The following TASP1 variants were observed in gnomAD, a reference collection of about 807,000 sequenced individuals.
TASP1 encodes taspase 1.
A neutral mutation model predicts 56.6 loss-of-function variants in TASP1; 16 were observed. The ratio of observed to expected loss-of-function variants is 0.28; its 90% CI spans 0.19 to 0.43. The LOEUF is 0.43. Among genes scored for constraint, TASP1 ranks in the 20% least tolerant of loss-of-function variants. The pLI is 1.00. For synonymous variants in TASP1, 179 were observed against 184.2 expected, an observed-to-expected ratio of 0.97 and a Z score of 0.23; for missense variants, 393 against 511.6, an observed-to-expected ratio of 0.77 and a Z score of 2.24.
the TASP1 span, chr20:13,244,008 CCA>C: frequency 2.6e-5 from 4 of 152,302 alleles, no homozygotes; most frequent in Admixed American, 2.0e-4. Context: ...TTGTCTATTA[CCA>C]CATCTCCAGT....
chr20:13,337,901 T>G, the TASP1 span, among the ~76,000 whole-genome samples: 2 of 152,304 alleles, frequency 1.3e-5, no homozygotes, highest in Non-Finnish European at 1.5e-5. Context: ...AAAAGGGGGT[T>G]GAGCAAGGCT....
At chr20:13,339,419 T>C in the TASP1 span, among the ~76,000 whole-genome samples, 1 of 152,202 alleles carries the variant, frequency 6.6e-6, no homozygotes, top group South Asian at 2.1e-4. Context: ...CCTGGGACCA[T>C]CATTTTTCAC....
intron 11 of TASP1, among the ~76,000 whole-genome samples, chr20:13,459,692 G>A (rs1036836530): frequency 6.6e-6 from 1 of 151,992 alleles, no homozygotes; most frequent in Non-Finnish European, 1.5e-5. Flanking sequence ...CTCTGCTGCT[G>A]TCTTTCCCTG....
At chr20:13,469,744 G>A (rs1333502823) in intron 11 of TASP1, among the ~76,000 whole-genome samples, 1 of 136,848 alleles carries the variant, frequency 7.3e-6, no homozygotes, top group Non-Finnish European at 1.5e-5. Flanking sequence ...ATAACATACA[G>A]ACGAACTATT....
chr20:13,249,725 C>A, the TASP1 span, among the ~76,000 whole-genome samples: 16,304 of 152,094 alleles, frequency 0.11, 1,032 homozygotes, highest in African/African-American at 0.16. Context: ...AATGGGAAGC[C>A]AAAGGAAGTA....
At chr20:13,506,345 A>G (rs1410929796) in intron 10 of TASP1, among the ~76,000 whole-genome samples, 1 of 152,168 alleles carries the variant, frequency 6.6e-6, no homozygotes, top group Non-Finnish European at 1.5e-5. Context: ...ATCCTTCTCA[A>G]CTCTTTCAAA....
chr20:13,362,923 TTTG>T, the TASP1 span, among the ~76,000 whole-genome samples: 1 of 151,002 alleles, frequency 6.6e-6, no homozygotes, highest in African/African-American at 2.4e-5. Flanking sequence ...AAGAGAATCT[TTTG>T]TTCTAATATT....
At chr20:13,474,495 A>G (rs2044646486) in intron 11 of TASP1, among the ~76,000 whole-genome samples, 1 of 152,212 alleles carries the variant, frequency 6.6e-6, no homozygotes, top group Non-Finnish European at 1.5e-5. Flanking sequence ...ATAGTATTCC[A>G]TGGTGTGTAT....
chr20:13,505,475 A>G (rs898986454), intron 10 of TASP1, among the ~76,000 whole-genome samples: 1 of 152,166 alleles, frequency 6.6e-6, no homozygotes, highest in African/African-American at 2.4e-5. Context: ...TCAACTCTGC[A>G]GGATTTTCTC....
At chr20:13,273,971 T>C in the TASP1 span, among the ~76,000 whole-genome samples, 1 of 151,996 alleles carries the variant, frequency 6.6e-6, no homozygotes, top group African/African-American at 2.4e-5. Flanking sequence ...GACCACAAAA[T>C]GTTAGTATTG....
the TASP1 span, among the ~76,000 whole-genome samples, chr20:13,128,061 G>T: frequency 6.6e-6 from 1 of 152,234 alleles, no homozygotes; most frequent in Non-Finnish European, 1.5e-5. Context: ...CAGTTATGAA[G>T]TGAGAAAAAC....
intron 13 of TASP1, among the ~76,000 whole-genome samples, chr20:13,413,857 A>G (rs2042168060): frequency 6.6e-6 from 1 of 152,124 alleles, no homozygotes; most frequent in Admixed American, 6.6e-5. Flanking sequence ...CCATCCATTC[A>G]TCCACATAAT....
the TASP1 span, among the ~76,000 whole-genome samples, chr20:13,164,201 G>C: frequency 6.6e-6 from 1 of 152,148 alleles, no homozygotes; most frequent in South Asian, 2.1e-4. Context: ...AAGTAAGAGA[G>C]TTGAAACAGA....
the TASP1 span, among the ~76,000 whole-genome samples, chr20:13,107,794 C>G: frequency 7.8e-6 from 1 of 128,804 alleles, no homozygotes; most frequent in South Asian, 2.4e-4. Context: ...TTTTTTGTAT[C>G]TGTTGGTTCT....
chr20:13,125,884 G>A, the TASP1 span, among the ~76,000 whole-genome samples: 7 of 152,330 alleles, frequency 4.6e-5, no homozygotes, highest in East Asian at 3.9e-4. Flanking sequence ...AAGCAACTGC[G>A]AAGTTGGATT....
chr20:13,274,634 T>C, the TASP1 span, among the ~76,000 whole-genome samples: 2,273 of 152,036 alleles, frequency 0.015, 59 homozygotes, highest in African/African-American at 0.051. Context: ...GCTAAGCCCA[T>C]GCAAGAGTCC....
rs552204433 is a variant in TASP1, at chr20:13,484,610, G to A, written c.875-1273C>T. ...AAATTAGCCAGGTGTAGTGGCAGGT[G>A]CCTTAATCCCAGCTACTTGGGAGGG... On this transcript the variant is annotated intron_variant, in intron 10 of 13. Transcript: ENST00000337743. 4.5e-3 allele frequency among the ~76,000 whole-genome samples: 689 copies of A among 151,732 alleles called. 4 individuals carry two copies. The highest frequency in any genetic ancestry group is 0.015 in the African/African-American group (614 of 41,386).
chr20:13,483,078 T>C (rs997672966), intron 11 of TASP1, 149 bp downstream of exon 11: 5 of 462,168 alleles, frequency 1.1e-5, no homozygotes, highest in Admixed American at 8.4e-5. Context: ...TGGAATTTCT[T>C]TTCACAATCA....
intron 4 of TASP1, among the ~76,000 whole-genome samples, chr20:13,613,266 G>T (rs1262731989): frequency 1.3e-5 from 2 of 152,072 alleles, no homozygotes; most frequent in African/African-American, 4.8e-5. Context: ...ATTATCATGG[G>T]ACTACAGAAA....
Sources: gnomAD v4.1 joint callset for allele counts (sites outside exome capture counted in the v4.1 genomes callset) on GRCh38, gnomAD v4.1.1 for gene constraint, MANE v1.5 for transcripts, NCBI Gene and HGNC (gene_info 2026-07-23, HGNC 2026-07-21) for gene names.